Variants in CELF2 observed in about 807,000 individuals in gnomAD.
CELF2 encodes CUGBP Elav-like family member 2.
In CELF2, 8 loss-of-function variants were observed where a neutral mutation model predicts 62.6. The observed-to-expected ratio is 0.13, with a 90% confidence interval of 0.07 to 0.23. The LOEUF (loss-of-function observed/expected upper bound fraction) is 0.23. CELF2 is among the 10% of genes least tolerant of loss of function. CELF2 has a pLI of 1.00. For synonymous variants in CELF2, 258 were observed against 250.0 expected, an observed-to-expected ratio of 1.03 and a Z score of -0.30; for missense variants, 333 against 671.0, an observed-to-expected ratio of 0.50 and a Z score of 5.56.
At chr10:11,245,523 C>T (rs985244784) in intron 3 of CELF2, among the ~76,000 whole-genome samples, 3 of 152,166 alleles carry the variant, frequency 2.0e-5, no homozygotes, top group African/African-American at 4.8e-5. Flanking sequence ...CACGGCTCTG[C>T]GAAGTTGATT....
the CELF2 span, among the ~76,000 whole-genome samples, chr10:10,558,922 T>C: frequency 1.3e-5 from 2 of 152,166 alleles, no homozygotes; most frequent in Non-Finnish European, 2.9e-5. Flanking sequence ...TGTGCTAAAA[T>C]TATAAAATGT....
At chr10:10,614,959 C>T in the CELF2 span, among the ~76,000 whole-genome samples, 2 of 151,934 alleles carry the variant, frequency 1.3e-5, no homozygotes, top group African/African-American at 4.8e-5. Flanking sequence ...TCATGGGAAT[C>T]GACGAAGAGG....
rs962407410 is a variant in CELF2 at position 11,331,998 on chromosome 10, A to G, written c.*2945A>G. The G allele has an allele frequency of 5.3e-5, 8 of 152,358 alleles. No homozygotes were observed. In the East Asian group the frequency reaches 9.6e-4, roughly 18 times the overall value. 9.4% of individuals were successfully genotyped at this position (152,358 alleles called of 1,614,324 possible). On this transcript the variant is annotated 3_prime_UTR_variant, in exon 13 of 13. Transcript: ENST00000633077. ...CTACTTTGTTCTTTGGTTAAGATCC[A>G]AAAGAAAACAGAAAACAATTCCACG... is the stretch of plus-strand genomic sequence containing the variant.
chr10:10,654,373 C>T, the CELF2 span, among the ~76,000 whole-genome samples: 2 of 108,998 alleles, frequency 1.8e-5, 1 homozygote, highest in African/African-American at 6.8e-5. Context: ...TTTTATGAGG[C>T]CAGCATCATT....
chr10:10,857,648 AG>A (rs1447632655), intron 1 of CELF2, among the ~76,000 whole-genome samples: 55 of 38,808 alleles, frequency 1.4e-3, no homozygotes, highest in Middle Eastern at 0.019. Flanking sequence ...ACATATATAT[AG>A]TATATATATA....
At chr10:10,750,329 T>C in the CELF2 span, among the ~76,000 whole-genome samples, 9 of 151,542 alleles carry the variant, frequency 5.9e-5, no homozygotes, top group East Asian at 5.8e-4. Context: ...TCTCCATCAC[T>C]GAAAGGATCA....
chr10:11,311,603 A>T lies in CELF2; in HGVS notation c.977-2536A>T, dbSNP rs2094564157. On this transcript the variant is annotated intron_variant, in intron 9 of 12. Coordinates refer to ENST00000633077, the MANE Select transcript of CELF2 (RefSeq NM_001326342.2). The surrounding 1 kb of genome is among the most constrained non-coding windows in gnomAD (Gnocchi z 4.7). Reference sequence around the variant, plus strand: ...TGTTTACATATTAAAAGAATTTGAAAAGCGAAAAAGCCACTGATTATGAAA... The same window carrying T: ...TGTTTACATATTAAAAGAATTTGAATAGCGAAAAAGCCACTGATTATGAAA... Among the ~76,000 whole-genome samples, 1 of 152,226 alleles carries T rather than the reference A, an allele frequency of 6.6e-6. No homozygotes were observed. The highest frequency in any genetic ancestry group is 2.4e-5 in the African/African-American group (1 of 41,454).
At chr10:10,546,131 C>G in the CELF2 span, among the ~76,000 whole-genome samples, 3 of 152,138 alleles carry the variant, frequency 2.0e-5, no homozygotes, top group Non-Finnish European at 4.4e-5. Flanking sequence ...ACCAAGTAAC[C>G]CATTCAAAAG....
the CELF2 span, among the ~76,000 whole-genome samples, chr10:10,547,632 C>T: frequency 1.3e-4 from 20 of 151,598 alleles, no homozygotes; most frequent in African/African-American, 4.8e-4. Flanking sequence ...ATTCCCACCT[C>T]CGCTAAATGT....
At chr10:10,915,366 A>C (rs571617136) in intron 1 of CELF2, among the ~76,000 whole-genome samples, 1 of 152,122 alleles carries the variant, frequency 6.6e-6, no homozygotes, top group Admixed American at 6.5e-5. Flanking sequence ...CTGAGTATTC[A>C]ACATCTTATA....
At chr10:10,683,594 T>A in the CELF2 span, among the ~76,000 whole-genome samples, 1 of 152,108 alleles carries the variant, frequency 6.6e-6, no homozygotes, top group African/African-American at 2.4e-5. Flanking sequence ...GTGAACTGAA[T>A]AAAATAATAA....
chr10:11,165,253 T>G lies in CELF2; in HGVS notation c.75-233T>G, dbSNP rs1438941257. ...CAGGCGGCAGGGCGCTGCCCCGTGC[T>G]CCCCCGGCTCTGCTCGACAGCAGCA... On this transcript the variant is annotated intron_variant, in intron 1 of 12. Coordinates refer to ENST00000633077, the MANE Select transcript of CELF2 (RefSeq NM_001326342.2). This position sits in a 1 kb window ranked among gnomAD's most constrained non-coding sequence, Gnocchi z 7.4. 7.4e-7 allele frequency: 1 copy of G among 1,360,142 alleles called. No individual in the cohort carries two copies. The allele number at this position is 1,360,142 out of a possible 1,614,324, so 84.3% of individuals were successfully genotyped here.
intron 1 of CELF2, among the ~76,000 whole-genome samples, chr10:10,881,683 T>C (rs2061444910): frequency 6.6e-6 from 1 of 152,244 alleles, no homozygotes. Flanking sequence ...AGTCTTCATA[T>C]GTGTACAGGT....
rs1472359426 is a variant in CELF2, at chr10:11,319,243, C to T, written c.1097-1946C>T. 6 of 389,080 alleles carry T rather than the reference C, an allele frequency of 1.5e-5. No individual in the cohort carries two copies. Among genetic ancestry groups the T allele is most frequent in the Non-Finnish European group, 3.2e-5 (6 of 189,698 alleles). The allele number at this position is 389,080 out of a possible 1,614,324, so 24.1% of individuals were successfully genotyped here. On this transcript the variant is annotated intron_variant, in intron 10 of 12. Transcript: ENST00000633077. The surrounding 1 kb of genome is among the most constrained non-coding windows in gnomAD (Gnocchi z 4.4). ...AAGTGAGACCAACAGAATTTATCAGCAGCGTCCAGCCCTTCCCGAGTTATT... is the reference window on the plus strand; with the variant it reads ...AAGTGAGACCAACAGAATTTATCAGTAGCGTCCAGCCCTTCCCGAGTTATT...
intron 1 of CELF2, among the ~76,000 whole-genome samples, chr10:10,871,387 T>C (rs2060736882): frequency 6.6e-6 from 1 of 152,266 alleles, no homozygotes; most frequent in African/African-American, 2.4e-5. Flanking sequence ...TTGTTTATTT[T>C]CTTTAGAAGA....
At chr10:10,757,810 G>T in the CELF2 span, among the ~76,000 whole-genome samples, 1 of 152,182 alleles carries the variant, frequency 6.6e-6, no homozygotes, top group Non-Finnish European at 1.5e-5. Flanking sequence ...CACAGTTTCT[G>T]CCCTTGTTAT....
At chr10:10,468,220 T>A in the CELF2 span, among the ~76,000 whole-genome samples, 2 of 151,984 alleles carry the variant, frequency 1.3e-5, no homozygotes, top group Non-Finnish European at 2.9e-5. Flanking sequence ...TAAACACTCT[T>A]ATACAATAAA....
intron 2 of CELF2, among the ~76,000 whole-genome samples, chr10:11,184,908 T>C (rs1320731167): frequency 6.6e-6 from 1 of 151,964 alleles, no homozygotes; most frequent in Non-Finnish European, 1.5e-5. Flanking sequence ...AAACGTCCAC[T>C]ATGGAGGTGA....
In CELF2 at chr10:11,110,268, T is replaced by C. The variant is rs2054789036; in HGVS notation, c.75-55218T>C. ...CAGCATGGGCGACAGAGCAAGACCA[T>C]GTCTTAAAAAAAAAAATCTGCTTTT... On this transcript the variant is annotated intron_variant, in intron 1 of 12. Coordinates refer to ENST00000633077, the MANE Select transcript of CELF2 (RefSeq NM_001326342.2). This position sits in a 1 kb window ranked among gnomAD's most constrained non-coding sequence, Gnocchi z 4.0. Among the ~76,000 whole-genome samples the C allele has an allele frequency of 6.6e-6, 1 of 150,430 alleles. No homozygotes were observed. Among genetic ancestry groups the C allele is most frequent in the African/African-American group, 2.5e-5 (1 of 40,754 alleles).
Sources: allele counts gnomAD v4.1 joint callset (sites outside exome capture counted in the v4.1 genomes callset), GRCh38; gene constraint gnomAD v4.1.1; non-coding constraint Gnocchi (gnomAD v3.1); transcripts MANE v1.5; gene names NCBI Gene and HGNC (gene_info 2026-07-23, HGNC 2026-07-21).